TNFSF4: variants seen among roughly 807,000 people sequenced by gnomAD.
TNFSF4 encodes the protein TNF superfamily member 4.
TNFSF4 carries 4 observed loss-of-function variants against 7.3 expected under a neutral mutation model. That is an observed-to-expected ratio of 0.55 (90% CI 0.27 to 1.25). TNFSF4 has a LOEUF of 1.25. Ranked by LOEUF, TNFSF4 falls within the 50% of genes most tolerant of loss-of-function variation. The pLI is 0.12. For missense variants in TNFSF4, 181 were observed against 208.8 expected (o/e 0.87, Z 0.82); for synonymous variants, 76 against 83.7 (o/e 0.91, Z 0.50).
At chr1:173,208,268 G>T (rs1650268569), upstream of TNFSF4, among the ~76,000 whole-genome samples, 1 of 152,126 alleles carries the variant, frequency 6.6e-6, no homozygotes, top group Non-Finnish European at 1.5e-5. Flanking sequence ...CACTGTACTG[G>T]ACAACATAAG....
the TNFSF4 span, among the ~76,000 whole-genome samples, chr1:173,385,631 A>G: frequency 6.6e-6 from 1 of 152,234 alleles, no homozygotes; most frequent in East Asian, 1.9e-4. Context: ...TGAGCACAGG[A>G]GTTCGAGACC....
chr1:173,175,220 G>A, the TNFSF4 span: 1 of 152,152 alleles, frequency 6.6e-6, no homozygotes, highest in Non-Finnish European at 1.5e-5. Context: ...AGTAAAACCA[G>A]AGGATACAGC....
At chr1:173,352,276 T>G in the TNFSF4 span, among the ~76,000 whole-genome samples, 1 of 152,208 alleles carries the variant, frequency 6.6e-6, no homozygotes, top group Non-Finnish European at 1.5e-5. Context: ...TCTCATTAAC[T>G]GCTGCTGTGA....
the TNFSF4 span, among the ~76,000 whole-genome samples, chr1:173,304,245 A>G: frequency 6.6e-6 from 1 of 151,944 alleles, no homozygotes; most frequent in Admixed American, 6.6e-5. Context: ...TTATTGCACG[A>G]TATTCAAAAT....
rs542336913 is a variant in TNFSF4, at chr1:173,198,817, G to C, written c.153+8207C>G. ...CAGTGAAGCTCTTCACCTCATCTGT[G>C]GGGGGCTAAATAATCCTCAACCTGT... On this transcript the variant is annotated intron_variant, in intron 1 of 2. Transcript: ENST00000281834. Among the ~76,000 whole-genome samples, 5 of 152,252 alleles carry C rather than the reference G, an allele frequency of 3.3e-5. No homozygotes were observed. In the South Asian group the frequency reaches 1.0e-3, roughly 32 times the overall value.
the TNFSF4 span, among the ~76,000 whole-genome samples, chr1:173,339,088 A>G: frequency 8.5e-5 from 13 of 152,158 alleles, no homozygotes. Context: ...GGATCATCTC[A>G]TTAGATAAAG....
At chr1:173,178,563 G>C in the TNFSF4 span, among the ~76,000 whole-genome samples, 1 of 152,078 alleles carries the variant, frequency 6.6e-6, no homozygotes, top group Non-Finnish European at 1.5e-5. Flanking sequence ...GACAGAGACA[G>C]ACTCCGTCTC....
chr1:173,341,235 G>A, the TNFSF4 span, among the ~76,000 whole-genome samples: 4 of 152,232 alleles, frequency 2.6e-5, no homozygotes, highest in East Asian at 1.9e-4. Context: ...TAATACACTT[G>A]GCAAACAGAA....
At chr1:173,311,049 A>C in the TNFSF4 span, among the ~76,000 whole-genome samples, 1 of 151,970 alleles carries the variant, frequency 6.6e-6, no homozygotes, top group Non-Finnish European at 1.5e-5. Context: ...TCATATGTTT[A>C]AGTTTTTAAA....
downstream of TNFSF4, among the ~76,000 whole-genome samples, chr1:173,181,147 G>T (rs762302356): frequency 3.9e-5 from 6 of 152,190 alleles, no homozygotes; most frequent in Admixed American, 6.5e-5. Flanking sequence ...TACTTAAAGG[G>T]TGTATGTCCT....
At chr1:173,316,899 A>C in the TNFSF4 span, among the ~76,000 whole-genome samples, 1 of 152,154 alleles carries the variant, frequency 6.6e-6, no homozygotes, top group African/African-American at 2.4e-5. Context: ...TTTTACCTTT[A>C]ACCTTTAAGA....
the TNFSF4 span, among the ~76,000 whole-genome samples, chr1:173,290,301 T>C: frequency 2.0e-5 from 3 of 152,104 alleles, no homozygotes; most frequent in East Asian, 3.9e-4. Flanking sequence ...AAGTGGCAAG[T>C]TGGATAAGGG....
At chr1:173,435,705 T>G in the TNFSF4 span, among the ~76,000 whole-genome samples, 1 of 152,246 alleles carries the variant, frequency 6.6e-6, no homozygotes. Context: ...AAATTTCTTA[T>G]TAACAGCTAT....
chr1:173,342,223 T>C, the TNFSF4 span, among the ~76,000 whole-genome samples: 1 of 152,124 alleles, frequency 6.6e-6, no homozygotes, highest in Admixed American at 6.5e-5. Flanking sequence ...ATCGTTAATC[T>C]CTCTGGGACT....
the TNFSF4 span, among the ~76,000 whole-genome samples, chr1:173,276,493 G>C: frequency 1.5e-3 from 235 of 152,226 alleles, no homozygotes; most frequent in African/African-American, 5.3e-3. Flanking sequence ...AGCTGGGAGT[G>C]AATGAGCCTG....
chr1:173,396,698 G>C, the TNFSF4 span, among the ~76,000 whole-genome samples: 24 of 152,176 alleles, frequency 1.6e-4, no homozygotes, highest in Admixed American at 3.3e-4. Flanking sequence ...CACAGTGAGG[G>C]AATTTATATA....
At chr1:173,331,722 A>G in the TNFSF4 span, among the ~76,000 whole-genome samples, 1 of 152,242 alleles carries the variant, frequency 6.6e-6, no homozygotes, top group Admixed American at 6.5e-5. Flanking sequence ...GTTTGCAGTC[A>G]GAAGACATGA....
chr1:173,288,892 T>C, the TNFSF4 span, among the ~76,000 whole-genome samples: 2 of 152,066 alleles, frequency 1.3e-5, no homozygotes, highest in Non-Finnish European at 2.9e-5. Context: ...GAAAAATATA[T>C]GAAACTATGT....
the TNFSF4 span, among the ~76,000 whole-genome samples, chr1:173,306,836 G>T: frequency 1.3e-5 from 2 of 151,848 alleles, no homozygotes; most frequent in Admixed American, 6.6e-5. Flanking sequence ...TAGAAATCAT[G>T]ATGGATTCGA....
Sources: gnomAD v4.1 joint callset for allele counts (sites outside exome capture counted in the v4.1 genomes callset) on GRCh38, gnomAD v4.1.1 for gene constraint, MANE v1.5 for transcripts, NCBI Gene and HGNC (gene_info 2026-07-23, HGNC 2026-07-21) for gene names.